The following GFER variants were observed in gnomAD, a reference collection of about 807,000 sequenced individuals.
GFER encodes growth factor, augmenter of liver regeneration, also known as FAD-linked sulfhydryl oxidase ALR.
A neutral mutation model predicts 18.2 loss-of-function variants in GFER; 24 were observed. The observed-to-expected ratio is 1.32, with a 90% confidence interval of 0.96 to 1.86. The LOEUF is 1.86. GFER is among the 40% of genes most tolerant of loss of function. The probability of loss-of-function intolerance (pLI) is 0.00; values close to 1 mark genes in which losing one functional copy is unlikely to be tolerated. For synonymous variants in GFER, 138 were observed against 126.9 expected (o/e 1.09, Z -0.59); for missense variants, 316 against 295.6 (o/e 1.07, Z -0.51).
Position 1,984,849 on chromosome 16 carries a change from C to T in GFER, c.361C>T (p.Pro121Ser), listed in dbSNP as rs768270980. The change falls in exon 2 of 3, where the codon CCC (proline) becomes TCC (serine). Residue 121 changes from proline (P) to serine (S), a missense_variant. Transcript: ENST00000248114. ...HTLAAYYPDL[P>S]TPEQQQDMAQ... The stretch of plus-strand genomic sequence containing the variant: ...CCTGGCCGCCTACTACCCCGACCTG[C>T]CCACCCCAGAACAGCAGCAAGACAT... 1 of 1,613,500 alleles carries T rather than the reference C, an allele frequency of 6.2e-7. No individual in the cohort carries two copies. Among genetic ancestry groups the T allele is most frequent in the Admixed American group, 1.7e-5 (1 of 60,026 alleles).
In GFER at chr16:1,986,035, G is replaced by C. The variant is rs754482090; in HGVS notation, c.*7G>C. 12 of 1,612,104 alleles carry C rather than the reference G, an allele frequency of 7.4e-6. No individual in the cohort carries two copies. The highest frequency in any genetic ancestry group is 9.3e-6 in the Non-Finnish European group (11 of 1,179,916). On this transcript the variant is annotated 3_prime_UTR_variant, in exon 3 of 3. Transcript: ENST00000248114. ...GGATGGCTCCTGTGACTAGAGGGTG[G>C]TCAGCCAGAGCTCATGGGACAGCTA...
chr16:1,985,103 C>T, intron 2 of GFER, 160 bp downstream of exon 2: 1 of 686,894 alleles, frequency 1.5e-6, no homozygotes, highest in Admixed American at 2.1e-5. Flanking sequence ...GCTATCTGAG[C>T]CTCCTCCTCT....
rs370475970 is a variant in GFER, at chr16:1,985,996, C to T, written c.586C>T (p.Arg196Cys). The T allele has an allele frequency of 4.1e-5, 66 of 1,612,866 alleles. No homozygotes were observed. The highest frequency in any genetic ancestry group is 3.3e-4 in the Middle Eastern group (2 of 6,084). The change falls in exon 3 of 3, where the codon CGC (arginine) becomes TGC (cysteine). Residue 196 changes from arginine to cysteine, a missense_variant. Coordinates refer to ENST00000248114, the MANE Select transcript of GFER (RefSeq NM_005262.3). ...FDCSKVDERW[R>C]DGWKDGSCD ...CTGCTCAAAAGTGGATGAGCGCTGG[C>T]GCGACGGCTGGAAGGATGGCTCCTG...
chr16:1,985,091 G>T (rs887684795), intron 2 of GFER, 148 bp downstream of exon 2: 4 of 706,160 alleles, frequency 5.7e-6, no homozygotes, highest in Non-Finnish European at 7.6e-6. Context: ...GTGAGGACTG[G>T]GGCTATCTGA....
chr16:1,985,093 GCTAT>G lies in GFER; in HGVS notation c.455+153_455+156del. On this transcript the variant is annotated intron_variant, in intron 2 of 2. Coordinates refer to ENST00000248114, the MANE Select transcript of GFER (RefSeq NM_005262.3). ...GGACCTCCAACAGGTGAGGACTGGGGCTATCTGAGCCTCCTCCTCTCGTCTCAGA... is the reference window on the plus strand; with the variant it reads ...GGACCTCCAACAGGTGAGGACTGGGGCTGAGCCTCCTCCTCTCGTCTCAGA... 5.7e-6 allele frequency: 4 copies of G among 701,364 alleles called. No individual in the cohort carries two copies. The South Asian group carries it at 6.0e-5, about 11-fold the overall frequency. 43.4% of individuals were successfully genotyped at this position (701,364 alleles called of 1,614,324 possible).
chr16:1,984,508 C>T (rs1352123720), intron 1 of GFER, 32 bp downstream of exon 1: 2 of 1,548,738 alleles, frequency 1.3e-6, no homozygotes, highest in Admixed American at 1.9e-5. Context: ...CTCCCAGCCC[C>T]GCGCAGCCCC....
chr16:1,985,024 T>C (rs2083556612), intron 2 of GFER, 81 bp downstream of exon 2: 2 of 1,118,142 alleles, frequency 1.8e-6, no homozygotes, highest in Non-Finnish European at 2.7e-6. Flanking sequence ...GCGGGGAACG[T>C]AGAGAAACGG....
chr16:1,984,647 G>A (rs964146331), intron 1 of GFER, 100 bp from the exon 2 acceptor site: 9 of 1,384,880 alleles, frequency 6.5e-6, no homozygotes, highest in African/African-American at 5.7e-5. Flanking sequence ...GCAGGACTTT[G>A]GCCGGAGTCC....
chr16:1,986,505 A>G lies in GFER; in HGVS notation c.*477A>G. 1 of 262,118 alleles carries G rather than the reference A, an allele frequency of 3.8e-6. No homozygotes were observed. Among genetic ancestry groups the G allele is most frequent in the South Asian group, 4.2e-5 (1 of 23,946 alleles). 16.2% of individuals were successfully genotyped at this position (262,118 alleles called of 1,614,324 possible). A position where few individuals can be genotyped will look rare whatever the true frequency, so the allele number is the denominator to read the frequency against. On this transcript the variant is annotated 3_prime_UTR_variant, in exon 3 of 3. Coordinates refer to ENST00000248114, the MANE Select transcript of GFER (RefSeq NM_005262.3). ...GGGGGCTCAATTCTCCACTCTGCTC[A>G]GTCCCTACAGGGAAAGCTCAGGTCG...
In GFER at chr16:1,984,314, C is replaced by T; in HGVS notation, c.96C>T (p.Thr32=). The T allele has an allele frequency of 6.7e-7, 1 of 1,482,314 alleles. No individual in the cohort carries two copies. Among genetic ancestry groups the T allele is most frequent in the East Asian group, 2.8e-5 (1 of 36,120 alleles). 91.8% of individuals were successfully genotyped at this position (1,482,314 alleles called of 1,614,324 possible). The change falls in exon 1 of 3, where the codon ACC becomes ACT. Residue 32 remains threonine (T), a synonymous_variant. Transcript: ENST00000248114. ...ARSEMMDDLA[T]DARGRGAGRR... ...CCGAGATGATGGACGACCTGGCGAC[C>T]GACGCGCGGGGCCGGGGCGCGGGGC...
In GFER at chr16:1,986,049, A is replaced by G; in HGVS notation, c.*21A>G. On this transcript the variant is annotated 3_prime_UTR_variant, in exon 3 of 3. Transcript: ENST00000248114. ...ACTAGAGGGTGGTCAGCCAGAGCTCATGGGACAGCTAGCCAGGCATGGTTG... is the reference window on the plus strand; with the variant it reads ...ACTAGAGGGTGGTCAGCCAGAGCTCGTGGGACAGCTAGCCAGGCATGGTTG... 6.2e-7 allele frequency: 1 copy of G among 1,610,714 alleles called. No homozygotes were observed. The highest frequency in any genetic ancestry group is 8.5e-7 in the Non-Finnish European group (1 of 1,179,140).
chr16:1,984,455 G>T lies in GFER; in HGVS notation c.237G>T (p.Thr79=), dbSNP rs1195899467. The T allele has an allele frequency of 1.9e-6, 3 of 1,557,584 alleles. No individual in the cohort carries two copies. The highest frequency in any genetic ancestry group is 2.4e-5 in the South Asian group (2 of 85,006). The change falls in exon 1 of 3, where the codon ACG becomes ACT. Residue 79 remains threonine, a synonymous_variant. Coordinates refer to ENST00000248114, the MANE Select transcript of GFER (RefSeq NM_005262.3). ...RPCRACVDFK[T]WMRTQQKRDT... ...GCCGGGCCTGCGTCGACTTCAAGAC[G>T]TGGATGCGGACGCAGCAGAAGGTGC...
Position 1,985,894 on chromosome 16 carries a change from A to T in GFER, c.484A>T (p.Thr162Ser). Residue 162 changes from threonine to serine, a missense_variant, in exon 3 of 3, where the codon ACC becomes TCC. By Grantham distance (58) the Thr-to-Ser change is moderately conservative (BLOSUM62 1). Transcript: ENST00000248114. Reference sequence around the variant, plus strand: ...GTGCAGGAACCACCCAGACACCCGCACCCGGGCATGCTTCACACAGTGGCT... The same window carrying T: ...GTGCAGGAACCACCCAGACACCCGCTCCCGGGCATGCTTCACACAGTGGCT... ...RLCRNHPDTR[T>S]RACFTQWLCH... is the part of the protein sequence containing the mutation. 5.0e-6 allele frequency: 8 copies of T among 1,612,742 alleles called. No homozygotes were observed. The highest frequency in any genetic ancestry group is 6.8e-6 in the Non-Finnish European group (8 of 1,179,958).
intron 2 of GFER, among the ~76,000 whole-genome samples, chr16:1,985,495 C>G (rs2083560280): frequency 1.3e-5 from 2 of 152,374 alleles, no homozygotes; most frequent in African/African-American, 4.8e-5. Context: ...GTCCAGTTTT[C>G]AGTTACAAGG....
chr16:1,986,094 T>C lies in GFER; in HGVS notation c.*66T>C, dbSNP rs2083566309. On this transcript the variant is annotated 3_prime_UTR_variant, in exon 3 of 3. Transcript: ENST00000248114. ...TGGTTGGATAGGGGCAGGGCACTCA[T>C]TAAAGTGCATCACAGCCAGAGCCTG... The C allele has an allele frequency of 4.0e-6, 6 of 1,490,252 alleles. No homozygotes were observed. Among genetic ancestry groups the C allele is most frequent in the Non-Finnish European group, 5.6e-6 (6 of 1,075,934 alleles). The allele number at this position is 1,490,252 out of a possible 1,614,324, so 92.3% of individuals were successfully genotyped here.
chr16:1,985,000 T>C (rs1421856592), intron 2 of GFER, 57 bp downstream of exon 2: 1 of 1,325,326 alleles, frequency 7.5e-7, no homozygotes, highest in Non-Finnish European at 1.1e-6. Context: ...CTGGGGCTCC[T>C]GGCTGACGTT....
In GFER at chr16:1,986,825, G is replaced by C. The variant is rs1464533357; in HGVS notation, c.*797G>C. 6.5e-6 allele frequency: 1 copy of C among 153,066 alleles called. No individual in the cohort carries two copies. The highest frequency in any genetic ancestry group is 1.5e-5 in the Non-Finnish European group (1 of 68,744). 9.5% of individuals were successfully genotyped at this position (153,066 alleles called of 1,614,324 possible). ...GGTGAGAGTGAGCCAGGAACAGCAA[G>C]GACGTTGATTGGTTGGGGCAGGGGG... On this transcript the variant is annotated 3_prime_UTR_variant, in exon 3 of 3. Coordinates refer to ENST00000248114, the MANE Select transcript of GFER (RefSeq NM_005262.3).
In GFER at chr16:1,987,002, A is replaced by AAGG. The variant is rs1476040744; in HGVS notation, c.*975_*977dup. The AAGG allele has an allele frequency of 6.6e-6, 1 of 152,236 alleles. No individual in the cohort carries two copies. The highest frequency in any genetic ancestry group is 1.5e-5 in the Non-Finnish European group (1 of 68,206). 9.4% of individuals were successfully genotyped at this position (152,236 alleles called of 1,614,324 possible). A position where few individuals can be genotyped will look rare whatever the true frequency, so the allele number is the denominator to read the frequency against. On this transcript the variant is annotated 3_prime_UTR_variant, in exon 3 of 3. Transcript: ENST00000248114. ...GATGGCATGGAGTGATGTGGCTTTG[A>AAGG]AGGGTCCTCTGGCTGCTGAGCTGGG...
Position 1,984,458 on chromosome 16 carries a change from G to T in GFER, c.240G>T (p.Trp80Cys). The T allele has an allele frequency of 6.4e-7, 1 of 1,558,100 alleles. No homozygotes were observed. The highest frequency in any genetic ancestry group is 2.4e-5 in the East Asian group (1 of 42,078). ...PCRACVDFKT[W>C]MRTQQKRDTK... is the part of the protein sequence containing the mutation. ...GGGCCTGCGTCGACTTCAAGACGTG[G>T]ATGCGGACGCAGCAGAAGGTGCAGT... The change falls in exon 1 of 3, where the codon TGG (tryptophan) becomes TGT (cysteine). Residue 80 changes from tryptophan (W) to cysteine (C), a missense_variant. Coordinates refer to ENST00000248114, the MANE Select transcript of GFER (RefSeq NM_005262.3).
Sources: gnomAD v4.1 joint callset for allele counts (sites outside exome capture counted in the v4.1 genomes callset) on GRCh38, gnomAD v4.1.1 for gene constraint, MANE v1.5 for transcripts, NCBI Gene and HGNC (gene_info 2026-07-23, HGNC 2026-07-21) for gene names.